The following DCHS2 variants were observed in gnomAD, a reference collection of about 807,000 sequenced individuals.
The protein encoded by DCHS2 is protocadherin-23.
A neutral mutation model predicts 182.4 loss-of-function variants in DCHS2; 142 were observed. The ratio of observed to expected loss-of-function variants is 0.78; its 90% CI spans 0.68 to 0.89. The LOEUF (loss-of-function observed/expected upper bound fraction) is 0.89. Ranked by LOEUF, DCHS2 falls within the 40% of genes least tolerant of loss-of-function variation. DCHS2 has a pLI of 0.00. For synonymous variants in DCHS2, 1,740 were observed against 1,663.3 expected, an observed-to-expected ratio of 1.05 and a Z score of -1.12; for missense variants, 4,319 against 4,198.6, an observed-to-expected ratio of 1.03 and a Z score of -0.79.
intron 6 of DCHS2, among the ~76,000 whole-genome samples, chr4:154,328,577 T>C (rs1456061376): frequency 1.3e-5 from 2 of 152,194 alleles, no homozygotes; most frequent in African/African-American, 2.4e-5. Flanking sequence ...TTAAAATAAG[T>C]ATGAACCTTT....
In DCHS2 at chr4:154,235,143, C is replaced by T. The variant is rs1731397396; in HGVS notation, c.9509G>A (p.Gly3170Glu). 4 of 1,614,018 alleles carry T rather than the reference C, an allele frequency of 2.5e-6. No homozygotes were observed. Among genetic ancestry groups the T allele is most frequent in the Non-Finnish European group, 2.5e-6 (3 of 1,179,968 alleles). ...AGCACAGGTGGTGCTGCAGCCTTCC[C>T]CTTGATCTCCTTCCCCAAATGTTTG... is the stretch of plus-strand genomic sequence containing the variant. Reference protein sequence around the residue: ...ASQTFGEGDQGEGCSTTCAQN... With the variant: ...ASQTFGEGDQEEGCSTTCAQN... The change falls in exon 20 of 20, where the codon GGG (glycine) becomes GAG (glutamate). Residue 3170 changes from glycine to glutamate, a missense_variant. Gly to Glu is a moderately conservative substitution (Grantham distance 98). Transcript: ENST00000357232.
Position 154,490,768 on chromosome 4 carries a change from G to A in DCHS2, c.588C>T (p.Ala196=), listed in dbSNP as rs1367408282. 3.2e-6 allele frequency: 5 copies of A among 1,551,576 alleles called. No individual in the cohort carries two copies. Among genetic ancestry groups the A allele is most frequent in the Non-Finnish European group, 4.4e-6 (5 of 1,146,876 alleles). ...TGTAGCCCTGAGTGCTGAACAGTCC[G>A]GCGTCCGGATCGTGGGCAACTGGCA... The part of the protein sequence containing the change: ...FRLPVAHDPD[A]GLFSTQGYTL... The change falls in exon 1 of 20, where the codon GCC becomes GCT. Residue 196 remains alanine, a synonymous_variant. Coordinates refer to ENST00000357232, the MANE Select transcript of DCHS2 (RefSeq NM_001358235.2).
intron 1 of DCHS2, among the ~76,000 whole-genome samples, chr4:154,444,252 T>C (rs1202723543): frequency 6.6e-6 from 1 of 152,224 alleles, no homozygotes; most frequent in Non-Finnish European, 1.5e-5. Context: ...AATTCTGATA[T>C]ATATTCAGAT....
At position 154,259,585 on chromosome 4, in the gene DCHS2, G is replaced by A. The variant is rs371990667; in HGVS notation, c.6749C>T (p.Ser2250Leu). The A allele has an allele frequency of 1.9e-6, 3 of 1,613,766 alleles. No individual in the cohort carries two copies. The highest frequency in any genetic ancestry group is 2.5e-6 in the Non-Finnish European group (3 of 1,179,962). ...ATTGTAGAGTTGGCTTTCAGACACT[G>A]ATGCCTGGTAAATGCTTTGTTCAAA... ...PCFEQSIYQA[S>L]VSESQLYNAH... Residue 2250 changes from serine (S) to leucine (L), a missense_variant, in exon 15 of 20, where the codon TCA (serine) becomes TTA (leucine). Coordinates refer to ENST00000357232, the MANE Select transcript of DCHS2 (RefSeq NM_001358235.2).
intron 13 of DCHS2, among the ~76,000 whole-genome samples, chr4:154,273,824 G>A (rs1053695774): frequency 1.3e-5 from 2 of 151,920 alleles, no homozygotes; most frequent in South Asian, 4.2e-4. Context: ...TGCCCTATAC[G>A]ATTACACATA....
At chr4:154,451,121 A>G (rs548564834) in intron 1 of DCHS2, among the ~76,000 whole-genome samples, 1 of 152,300 alleles carries the variant, frequency 6.6e-6, no homozygotes, top group South Asian at 2.1e-4. Flanking sequence ...CCAGGATGCT[A>G]TGCTGGCTGC....
At chr4:154,282,309 T>C (rs1561009197) in intron 13 of DCHS2, among the ~76,000 whole-genome samples, 1 of 152,060 alleles carries the variant, frequency 6.6e-6, no homozygotes, top group East Asian at 1.9e-4. Context: ...CCATAGTATA[T>C]AAATAACTCT....
intron 17 of DCHS2, 53 bp from the exon 18 acceptor site, chr4:154,240,876 A>G: frequency 5.7e-6 from 9 of 1,587,830 alleles, no homozygotes; most frequent in Non-Finnish European, 7.7e-6. Context: ...CCTTTGAAAT[A>G]CATTTCTTTA....
chr4:154,464,134 T>C (rs1735138313), intron 1 of DCHS2, among the ~76,000 whole-genome samples: 1 of 152,082 alleles, frequency 6.6e-6, no homozygotes, highest in Non-Finnish European at 1.5e-5. Flanking sequence ...AAAATTAGAC[T>C]GGTCACCAAA....
rs1227255357 is a variant in DCHS2 at position 154,490,759 on chromosome 4, G to T, written c.597C>A (p.Phe199Leu). The T allele has an allele frequency of 1.3e-6, 2 of 1,551,480 alleles. No individual in the cohort carries two copies. The highest frequency in any genetic ancestry group is 2.7e-5 in the African/African-American group (2 of 73,050). The change falls in exon 1 of 20, where the codon TTC becomes TTA. Residue 199 changes from phenylalanine to leucine, a missense_variant. Physicochemically the swap from Phe to Leu is conservative, Grantham distance 22. Transcript: ENST00000357232. ...GCACCAGGGTGTAGCCCTGAGTGCT[G>T]AACAGTCCGGCGTCCGGATCGTGGG... ...PVAHDPDAGL[F>L]STQGYTLVQP...
In DCHS2 at chr4:154,332,796, A is replaced by G. The variant is rs370626441; in HGVS notation, c.3412T>C (p.Tyr1138His). The change falls in exon 5 of 20, where the codon TAC (tyrosine) becomes CAC (histidine). Residue 1138 changes from tyrosine to histidine, a missense_variant. By Grantham distance (83) the Tyr-to-His change is moderately conservative (BLOSUM62 2). Coordinates refer to ENST00000357232, the MANE Select transcript of DCHS2 (RefSeq NM_001358235.2). ...CGCCGCAAATAAATCCAGCCCGTGT[A>G]AGGGCGGATTCCAAACATAGCAGAG... ...VDSAMFGIRP[Y>H]TGWIYLRRQF... 7.3e-5 allele frequency: 118 copies of G among 1,614,110 alleles called. No individual in the cohort carries two copies. The highest frequency in any genetic ancestry group is 1.2e-4 in the Admixed American group (7 of 60,006).
At chr4:154,329,354 T>A (rs777148883) in intron 6 of DCHS2, among the ~76,000 whole-genome samples, 169 bp downstream of exon 6, 20 of 152,240 alleles carry the variant, frequency 1.3e-4, no homozygotes, top group African/African-American at 4.8e-4. Flanking sequence ...ATTTACTTTT[T>A]AAAAATTTTC....
intron 1 of DCHS2, among the ~76,000 whole-genome samples, chr4:154,462,805 T>G (rs926736446): frequency 4.6e-5 from 7 of 152,052 alleles, no homozygotes; most frequent in African/African-American, 1.7e-4. Context: ...ATAAACCCAA[T>G]ATGTAGTAAA....
chr4:154,310,142 A>C (rs1381809440), intron 10 of DCHS2, among the ~76,000 whole-genome samples: 1 of 152,232 alleles, frequency 6.6e-6, no homozygotes, highest in East Asian at 1.9e-4. Flanking sequence ...CCAAGTGCAA[A>C]TCTGACTCAG....
At chr4:154,383,739 C>T (rs1429402421) in intron 1 of DCHS2, among the ~76,000 whole-genome samples, 2 of 152,010 alleles carry the variant, frequency 1.3e-5, no homozygotes, top group African/African-American at 4.8e-5. Flanking sequence ...AGCCAGACTC[C>T]ACCCAAAAGG....
intron 1 of DCHS2, among the ~76,000 whole-genome samples, chr4:154,424,388 C>T (rs936967515): frequency 6.6e-6 from 1 of 152,096 alleles, no homozygotes; most frequent in Non-Finnish European, 1.5e-5. Context: ...CTTCCCTTGT[C>T]TTTATGCAGT....
intron 1 of DCHS2, among the ~76,000 whole-genome samples, chr4:154,378,520 A>AAGGAAG (rs1579025517): frequency 5.0e-4 from 32 of 64,050 alleles, no homozygotes; most frequent in South Asian, 1.8e-3. Flanking sequence ...AAGGAAGGAA[A>AAGGAAG]GAAGGAAGGA....
At chr4:154,249,985 CAT>C (rs1442841585) in intron 16 of DCHS2, among the ~76,000 whole-genome samples, 3 of 152,026 alleles carry the variant, frequency 2.0e-5, no homozygotes, top group Admixed American at 6.5e-5. Flanking sequence ...AACCTGCACA[CAT>C]GTCTCCTGTA....
rs1730371106 is a variant in DCHS2, at chr4:154,366,519, C to G, written c.2245-78G>C. 8.4e-6 allele frequency: 8 copies of G among 957,466 alleles called. No individual in the cohort carries two copies. In the Admixed American group the frequency reaches 1.6e-4, roughly 19 times the overall value. The allele number at this position is 957,466 out of a possible 1,614,324, so 59.3% of individuals were successfully genotyped here. ...TGTAGAATAATTGACAATGGCCCTA[C>G]AATAGTCTTGAAACAACAGAATTTG... On this transcript the variant is annotated intron_variant, in intron 2 of 19. Coordinates refer to ENST00000357232, the MANE Select transcript of DCHS2 (RefSeq NM_001358235.2).
Sources: allele counts gnomAD v4.1 joint callset (sites outside exome capture counted in the v4.1 genomes callset), GRCh38; gene constraint gnomAD v4.1.1; transcripts MANE v1.5; gene names NCBI Gene and HGNC (gene_info 2026-07-23, HGNC 2026-07-21).